The following SLC5A1 variants were observed in gnomAD, a reference collection of about 807,000 sequenced individuals.
SLC5A1 encodes solute carrier family 5 member 1, also known as sodium/glucose cotransporter 1.
Under a neutral mutation model 73.5 loss-of-function variants are expected in SLC5A1, and 42 were observed. The ratio of observed to expected loss-of-function variants is 0.57; its 90% CI spans 0.45 to 0.74. SLC5A1 has a LOEUF of 0.74. SLC5A1 is among the 30% of genes least tolerant of loss of function. The pLI, the probability that SLC5A1 is intolerant of heterozygous loss-of-function variation, is 0.00. For missense variants in SLC5A1, 634 were observed against 855.4 expected (o/e 0.74, Z 3.23); for synonymous variants, 300 against 317.4 (o/e 0.95, Z 0.58).
chr22:32,084,868 G>A (rs1306919595), intron 8 of SLC5A1, 32 bp from the exon 9 acceptor site: 48 of 1,613,234 alleles, frequency 3.0e-5, no homozygotes, highest in African/African-American at 4.0e-5. Context: ...TCTCTGGTCT[G>A]CACACCTCCC....
chr22:32,101,370 A>G (rs2094036062), intron 12 of SLC5A1, among the ~76,000 whole-genome samples: 1 of 152,180 alleles, frequency 6.6e-6, no homozygotes, highest in Admixed American at 6.5e-5. Flanking sequence ...TCATCCCCTC[A>G]TGTTTCTGGT....
chr22:32,044,880 A>C (rs1021359854), intron 1 of SLC5A1, among the ~76,000 whole-genome samples: 1 of 152,062 alleles, frequency 6.6e-6, no homozygotes, highest in African/African-American at 2.4e-5. Flanking sequence ...CCATGGTATG[A>C]TCTGGGCTCT....
intron 2 of SLC5A1, among the ~76,000 whole-genome samples, chr22:32,065,009 T>A (rs185065920): frequency 6.6e-6 from 1 of 152,290 alleles, no homozygotes; most frequent in East Asian, 1.9e-4. Context: ...AGTGGCACGA[T>A]CATAGTTCAT....
intron 2 of SLC5A1, among the ~76,000 whole-genome samples, chr22:32,060,255 G>C (rs1184272479): frequency 6.6e-6 from 1 of 151,680 alleles, no homozygotes; most frequent in Non-Finnish European, 1.5e-5. Flanking sequence ...CCAATAGCGC[G>C]ATCTCGGCTC....
intron 11 of SLC5A1, among the ~76,000 whole-genome samples, chr22:32,098,440 A>G (rs2094029900): frequency 6.6e-6 from 1 of 152,196 alleles, no homozygotes; most frequent in Non-Finnish European, 1.5e-5. Context: ...TTCCCAGTTT[A>G]CAGATGAAGA....
chr22:32,102,613 A>C (rs2094038534), intron 13 of SLC5A1, among the ~76,000 whole-genome samples: 1 of 152,168 alleles, frequency 6.6e-6, no homozygotes, highest in Non-Finnish European at 1.5e-5. Flanking sequence ...AATTATATGT[A>C]TATAATAAAT....
chr22:32,095,297 T>A (rs921036868), intron 11 of SLC5A1, among the ~76,000 whole-genome samples: 5 of 152,236 alleles, frequency 3.3e-5, no homozygotes, highest in Non-Finnish European at 5.9e-5. Context: ...CATGCACTGA[T>A]GAATACAATG....
At chr22:32,059,528 A>C (rs1050515098) in intron 2 of SLC5A1, among the ~76,000 whole-genome samples, 37 of 152,326 alleles carry the variant, frequency 2.4e-4, no homozygotes, top group African/African-American at 8.2e-4. Flanking sequence ...CATCTTGGAA[A>C]TTGAGCCAGT....
At chr22:32,075,022 G>A (rs923463687) in intron 5 of SLC5A1, among the ~76,000 whole-genome samples, 2 of 150,532 alleles carry the variant, frequency 1.3e-5, no homozygotes, top group Admixed American at 6.6e-5. Flanking sequence ...TCAGCCTCCT[G>A]AGTAGCTGAG....
rs2094054246 is a variant in SLC5A1, at chr22:32,110,322, T to A, written c.*109T>A. 2 of 797,202 alleles carry A rather than the reference T, an allele frequency of 2.5e-6. No homozygotes were observed. Among genetic ancestry groups the A allele is most frequent in the East Asian group, 5.1e-5 (2 of 38,974 alleles). 49.4% of individuals were successfully genotyped at this position (797,202 alleles called of 1,614,324 possible). ...CAGCCAGTTGTAAATTTTGCCCAGG[T>A]GGATAAATGTGTACATGTGTAATTA... On this transcript the variant is annotated 3_prime_UTR_variant, in exon 15 of 15. Coordinates refer to ENST00000266088, the MANE Select transcript of SLC5A1 (RefSeq NM_000343.4).
intron 2 of SLC5A1, among the ~76,000 whole-genome samples, chr22:32,057,004 A>G (rs1404104246): frequency 1.3e-5 from 2 of 152,182 alleles, no homozygotes; most frequent in Non-Finnish European, 2.9e-5. Flanking sequence ...GTAGGCCAAA[A>G]AAGATTATTA....
chr22:32,067,356 T>TATTATTA (rs879755326), intron 3 of SLC5A1, among the ~76,000 whole-genome samples: 1 of 118,182 alleles, frequency 8.5e-6, no homozygotes, highest in Non-Finnish European at 1.8e-5. Context: ...TTATTATTAT[T>TATTATTA]TTTTTTAAAA....
intron 11 of SLC5A1, among the ~76,000 whole-genome samples, chr22:32,098,502 TAAG>T (rs1394450346): frequency 6.6e-6 from 1 of 152,184 alleles, no homozygotes; most frequent in African/African-American, 2.4e-5. Flanking sequence ...ACAGAAATAA[TAAG>T]AATTTGAATC....
rs2094042210 is a variant in SLC5A1 at position 32,104,774 on chromosome 22, C to T, written c.1666-12C>T. The stretch of plus-strand genomic sequence containing the variant: ...TGGATCTTTCTGTTGACCTGTTCTG[C>T]CTTCTCTGCAGCTCTACCGTCTGTG... On this transcript the variant is annotated splice_polypyrimidine_tract_variant and intron_variant, in intron 13 of 14. Transcript: ENST00000266088. The T allele has an allele frequency of 6.2e-7, 1 of 1,610,062 alleles. No homozygotes were observed. The highest frequency in any genetic ancestry group is 8.5e-7 in the Non-Finnish European group (1 of 1,176,568).
chr22:32,071,970 C>T (rs953930576), intron 5 of SLC5A1, among the ~76,000 whole-genome samples: 1 of 152,186 alleles, frequency 6.6e-6, no homozygotes, highest in Non-Finnish European at 1.5e-5. Flanking sequence ...GGACCTAACA[C>T]TGATCACTTA....
intron 2 of SLC5A1, among the ~76,000 whole-genome samples, chr22:32,058,813 A>C (rs1466105319): frequency 6.6e-6 from 1 of 152,196 alleles, no homozygotes; most frequent in East Asian, 1.9e-4. Flanking sequence ...GCCACTTCAT[A>C]GTCTCCAGTA....
chr22:32,100,450 T>A (rs2094034436), intron 12 of SLC5A1, among the ~76,000 whole-genome samples: 1 of 152,222 alleles, frequency 6.6e-6, no homozygotes, highest in African/African-American at 2.4e-5. Context: ...CTGTTCAGTA[T>A]GATGTCAGCT....
chr22:32,073,268 C>T (rs983425833), intron 5 of SLC5A1, among the ~76,000 whole-genome samples: 10 of 152,064 alleles, frequency 6.6e-5, no homozygotes, highest in Admixed American at 5.9e-4. Context: ...ATGTGGATAT[C>T]CAGTTCTCCC....
chr22:32,105,730 C>T (rs1029030019), intron 14 of SLC5A1, among the ~76,000 whole-genome samples: 1 of 152,130 alleles, frequency 6.6e-6, no homozygotes, highest in Non-Finnish European at 1.5e-5. Context: ...CATCCCCAGA[C>T]CCCCACTACC....
Sources: allele counts gnomAD v4.1 joint callset (sites outside exome capture counted in the v4.1 genomes callset), GRCh38; gene constraint gnomAD v4.1.1; transcripts MANE v1.5; gene names NCBI Gene and HGNC (gene_info 2026-07-23, HGNC 2026-07-21).